TUBB2A: variants seen among roughly 807,000 people sequenced by gnomAD.
TUBB2A encodes tubulin beta 2A class IIa, also known as tubulin beta-2A chain.
A neutral mutation model predicts 33.9 loss-of-function variants in TUBB2A; 7 were observed. That is an observed-to-expected ratio of 0.21 (90% confidence interval 0.12 to 0.39). The LOEUF (loss-of-function observed/expected upper bound fraction) is 0.39, where lower values mean the gene tolerates loss of function less well. TUBB2A is among the 10% of genes least tolerant of loss of function. TUBB2A has a pLI of 1.00. For synonymous variants in TUBB2A, 187 were observed against 247.6 expected (o/e 0.76, Z 2.30); for missense variants, 80 against 593.4 (o/e 0.13, Z 8.99).
In TUBB2A at chr6:3,154,871, G is replaced by C; in HGVS notation, c.330C>G (p.Ala110=). 6.2e-7 allele frequency: 1 copy of C among 1,613,612 alleles called. No individual in the cohort carries two copies. The change falls in exon 4 of 4, where the codon GCC becomes GCG. Residue 110 remains alanine, a synonymous_variant. Coordinates refer to ENST00000333628, the MANE Select transcript of TUBB2A (RefSeq NM_001069.3). ...NWAKGHYTEG[A]ELVDSVLDVV... is the part of the protein sequence containing the mutation. Reference sequence around the variant, plus strand: ...CATCCAGGACCGAGTCGACCAGCTCGGCTCCCTCTGTGTAGTGGCCCTTGG... The same window carrying C: ...CATCCAGGACCGAGTCGACCAGCTCCGCTCCCTCTGTGTAGTGGCCCTTGG...
At position 3,155,072 on chromosome 6, in the gene TUBB2A, CTA is replaced by C. The variant is rs1305580672; in HGVS notation, c.278-151_278-150del. 11 of 1,495,522 alleles carry C rather than the reference CTA, an allele frequency of 7.4e-6. No individual in the cohort carries two copies. The highest frequency in any genetic ancestry group is 2.2e-5 in the Admixed American group (1 of 44,956). 92.6% of individuals were successfully genotyped at this position (1,495,522 alleles called of 1,614,324 possible). A position where few individuals can be genotyped will look rare whatever the true frequency, so the allele number is the denominator to read the frequency against. On this transcript the variant is annotated intron_variant, in intron 3 of 3. Transcript: ENST00000333628. This position sits in a 1 kb window ranked among gnomAD's most constrained non-coding sequence, Gnocchi z 4.2. The stretch of plus-strand genomic sequence containing the variant: ...TTCTTTTACCTGAAGAAATATTTTT[CTA>C]TGTCAGTGACCTCAAAAACACTGGG...
At chr6:3,157,377 C>T (rs936633214) in intron 1 of TUBB2A, 30 bp downstream of exon 1, 1 of 1,495,432 alleles carries the variant, frequency 6.7e-7, no homozygotes, top group Non-Finnish European at 8.9e-7. Flanking sequence ...TCGGTCCCAA[C>T]CCCGGGCCCC....
rs1160815100 is a variant in TUBB2A, at chr6:3,156,031, T to C, written c.166+13A>G. ...AAGCAAGGATTCCTGGGCACACACA[T>C]CCCGCTACTCACCAGCAGCCTCATT... is the stretch of plus-strand genomic sequence containing the variant. On this transcript the variant is annotated intron_variant, in intron 2 of 3. Coordinates refer to ENST00000333628, the MANE Select transcript of TUBB2A (RefSeq NM_001069.3). The C allele has an allele frequency of 1.6e-5, 25 of 1,570,220 alleles. No individual in the cohort carries two copies. Among genetic ancestry groups the C allele is most frequent in the Non-Finnish European group, 2.1e-5 (24 of 1,154,010 alleles).
rs759940017 is a variant in TUBB2A, at chr6:3,157,389, C to T, written c.57+18G>A. The T allele has an allele frequency of 8.6e-6, 13 of 1,517,376 alleles. No homozygotes were observed. The East Asian group carries it at 3.7e-4, about 43-fold the overall frequency. 94.0% of individuals were successfully genotyped at this position (1,517,376 alleles called of 1,614,324 possible). On this transcript the variant is annotated intron_variant, in intron 1 of 3. Coordinates refer to ENST00000333628, the MANE Select transcript of TUBB2A (RefSeq NM_001069.3). Reference sequence around the variant, plus strand: ...CCCTCGGTCCCAACCCCGGGCCCCTCCGTGGCGGTGAGCCCACCTTGGCGC... The same window carrying T: ...CCCTCGGTCCCAACCCCGGGCCCCTTCGTGGCGGTGAGCCCACCTTGGCGC...
In TUBB2A at chr6:3,153,802, A is replaced by G. The variant is rs969477381; in HGVS notation, c.*61T>C. On this transcript the variant is annotated 3_prime_UTR_variant, in exon 4 of 4. Coordinates refer to ENST00000333628, the MANE Select transcript of TUBB2A (RefSeq NM_001069.3). ...ACTGAGCACCATAGTTTACAAGTAG[A>G]AAGACCATGCTTGAGGACAACAGAA... 63 of 1,603,382 alleles carry G rather than the reference A, an allele frequency of 3.9e-5. 1 individual carries two copies. The Middle Eastern group carries it at 2.7e-3, about 68-fold the overall frequency.
rs199723665 is a variant in TUBB2A at position 3,154,847 on chromosome 6, A to G, written c.354T>C (p.Asp118=). Residue 118 remains aspartate (D), a synonymous_variant, in exon 4 of 4, where the codon GAT becomes GAC. Coordinates refer to ENST00000333628, the MANE Select transcript of TUBB2A (RefSeq NM_001069.3). The part of the protein sequence containing the change: ...EGAELVDSVL[D]VVRKESESCD... ...AGCTCTCTGACTCCTTCCTCACCAC[A>G]TCCAGGACCGAGTCGACCAGCTCGG... 3.6e-4 allele frequency: 573 copies of G among 1,613,146 alleles called. 1 individual carries two copies. The African/African-American group carries it at 6.9e-3, about 19-fold the overall frequency.
chr6:3,157,330 C>G, intron 1 of TUBB2A, 77 bp downstream of exon 1: 1 of 1,289,942 alleles, frequency 7.8e-7, no homozygotes, highest in Non-Finnish European at 9.8e-7. Context: ...GGGGCCGCCG[C>G]GGCCTCCAGC....
At position 3,153,680 on chromosome 6, in the gene TUBB2A, T is replaced by G; in HGVS notation, c.*183A>C. The G allele has an allele frequency of 1.0e-6, 1 of 981,144 alleles. No individual in the cohort carries two copies. Among genetic ancestry groups the G allele is most frequent in the Non-Finnish European group, 1.5e-6 (1 of 678,056 alleles). 60.8% of individuals were successfully genotyped at this position (981,144 alleles called of 1,614,324 possible). A position where few individuals can be genotyped will look rare whatever the true frequency, so the allele number is the denominator to read the frequency against. On this transcript the variant is annotated 3_prime_UTR_variant, in exon 4 of 4. Transcript: ENST00000333628. ...AGACCACAAGGTTTTCTACACATGC[T>G]TTTTTATTAGTATAGATACCTTCAC...
At position 3,154,001 on chromosome 6, in the gene TUBB2A, G is replaced by A. The variant is rs1762591336; in HGVS notation, c.1200C>T (p.Gly400=). ...TGAACTCCATCTCGTCCATGCCCTC[G>A]CCCGTGTACCAGTGCAGGAAGGCCT... ...RRKAFLHWYT[G]EGMDEMEFTE... The change falls in exon 4 of 4, where the codon GGC becomes GGT. Residue 400 remains glycine, a synonymous_variant. Transcript: ENST00000333628. 5 of 1,602,070 alleles carry A rather than the reference G, an allele frequency of 3.1e-6. No homozygotes were observed. Among genetic ancestry groups the A allele is most frequent in the African/African-American group, 2.8e-5 (2 of 71,302 alleles).
At chr6:3,157,283 G>T (rs1305952936) in intron 1 of TUBB2A, 124 bp downstream of exon 1, 1 of 1,132,208 alleles carries the variant, frequency 8.8e-7, no homozygotes, top group African/African-American at 1.6e-5. Context: ...GACCCCGCCC[G>T]GCGGCCTCGC....
chr6:3,155,707 C>T lies in TUBB2A; in HGVS notation c.195G>A (p.Leu65=), dbSNP rs1133245. The T allele has an allele frequency of 1.9e-6, 3 of 1,614,064 alleles. No individual in the cohort carries two copies. Among genetic ancestry groups the T allele is most frequent in the Admixed American group, 1.7e-5 (1 of 60,020 alleles). The change falls in exon 3 of 4, where the codon CTG becomes CTA. Residue 65 remains leucine (L), a synonymous_variant. Coordinates refer to ENST00000333628, the MANE Select transcript of TUBB2A (RefSeq NM_001069.3). The surrounding 1 kb of genome is among the most constrained non-coding windows in gnomAD (Gnocchi z 4.2). The part of the protein sequence containing the change: ...AGNKYVPRAI[L]VDLEPGTMDS... The stretch of plus-strand genomic sequence containing the variant: ...CCATGGTGCCAGGCTCCAGATCCAC[C>T]AGGATGGCCCGAGGTACATATTTGT...
Position 3,155,522 on chromosome 6 carries a change from A to G in TUBB2A, c.277+103T>C. The stretch of plus-strand genomic sequence containing the variant: ...AGGCCAGGACTCAGGGCTGCCGTGG[A>G]CACAGTGTCACCTTGGCACTGAACA... On this transcript the variant is annotated intron_variant, in intron 3 of 3. Transcript: ENST00000333628. This position sits in a 1 kb window ranked among gnomAD's most constrained non-coding sequence, Gnocchi z 4.2. 1 of 860,152 alleles carries G rather than the reference A, an allele frequency of 1.2e-6. No homozygotes were observed. The highest frequency in any genetic ancestry group is 1.8e-6 in the Non-Finnish European group (1 of 556,650). The allele number at this position is 860,152 out of a possible 1,614,324, so 53.3% of individuals were successfully genotyped here.
chr6:3,155,024 A>T lies in TUBB2A; in HGVS notation c.278-101T>A, dbSNP rs1342506244. On this transcript the variant is annotated intron_variant, in intron 3 of 3. Transcript: ENST00000333628. This position sits in a 1 kb window ranked among gnomAD's most constrained non-coding sequence, Gnocchi z 4.2. Reference sequence around the variant, plus strand: ...AAGGTAGGACTGGTCTTAGACTGGCAGATTCTTCTCTTTTGAATACTCTTC... The same window carrying T: ...AAGGTAGGACTGGTCTTAGACTGGCTGATTCTTCTCTTTTGAATACTCTTC... 1.7e-5 allele frequency: 26 copies of T among 1,556,924 alleles called. No individual in the cohort carries two copies. Among genetic ancestry groups the T allele is most frequent in the Non-Finnish European group, 2.0e-5 (23 of 1,148,502 alleles).
In TUBB2A at chr6:3,157,525, G is replaced by T. The variant is rs1762658509; in HGVS notation, c.-62C>A. 7.1e-7 allele frequency: 1 copy of T among 1,416,452 alleles called. No homozygotes were observed. The highest frequency in any genetic ancestry group is 9.2e-7 in the Non-Finnish European group (1 of 1,089,080). 87.7% of individuals were successfully genotyped at this position (1,416,452 alleles called of 1,614,324 possible). ...AGCGGTGCGCGGCGTGGACCGGCGG[G>T]CTGGGCTGCGCAGAGACCTGCCGCC... On this transcript the variant is annotated 5_prime_UTR_variant, in exon 1 of 4. Transcript: ENST00000333628.
intron 1 of TUBB2A, among the ~76,000 whole-genome samples, 187 bp from the exon 2 acceptor site, chr6:3,156,339 G>T (rs533107518): frequency 6.6e-6 from 1 of 152,310 alleles, no homozygotes; most frequent in Non-Finnish European, 1.5e-5. Context: ...TTGAAAATCC[G>T]CAGAGCATCG....
chr6:3,155,619 A>G lies in TUBB2A; in HGVS notation c.277+6T>C. ...TGGCCAGTTCCCAGTGATCATGACTACATACCGAACACGAAGTTGTCTGGT... is the reference window on the plus strand; with the variant it reads ...TGGCCAGTTCCCAGTGATCATGACTGCATACCGAACACGAAGTTGTCTGGT... On this transcript the variant is annotated splice_donor_region_variant and intron_variant, in intron 3 of 3. Transcript: ENST00000333628. The surrounding 1 kb of genome is among the most constrained non-coding windows in gnomAD (Gnocchi z 4.2). The G allele has an allele frequency of 1.2e-6, 2 of 1,608,412 alleles. No homozygotes were observed. The highest frequency in any genetic ancestry group is 1.7e-6 in the Non-Finnish European group (2 of 1,176,022).
At position 3,154,823 on chromosome 6, in the gene TUBB2A, G is replaced by A. The variant is rs765128083; in HGVS notation, c.378C>T (p.Ser126=). 101 of 1,611,854 alleles carry A rather than the reference G, an allele frequency of 6.3e-5. No homozygotes were observed. The highest frequency in any genetic ancestry group is 8.6e-5 in the Non-Finnish European group (101 of 1,179,000). ...GCTGGAAGCCCTGGAGACAGTCACA[G>A]CTCTCTGACTCCTTCCTCACCACAT... ...VLDVVRKESE[S]CDCLQGFQLT... Residue 126 remains serine, a synonymous_variant, in exon 4 of 4, where the codon AGC becomes AGT. Transcript: ENST00000333628.
In TUBB2A at chr6:3,153,753, G is replaced by A. The variant is rs1162928094; in HGVS notation, c.*110C>T. 2 of 1,500,944 alleles carry A rather than the reference G, an allele frequency of 1.3e-6. No individual in the cohort carries two copies. Among genetic ancestry groups the A allele is most frequent in the Non-Finnish European group, 9.1e-7 (1 of 1,102,142 alleles). The allele number at this position is 1,500,944 out of a possible 1,614,324, so 93.0% of individuals were successfully genotyped here. On this transcript the variant is annotated 3_prime_UTR_variant, in exon 4 of 4. Transcript: ENST00000333628. ...GGAGTTCCACATCATTACATCAACAGTGTGAATTTCTAACAGAGGCAAAAC... is the reference window on the plus strand; with the variant it reads ...GGAGTTCCACATCATTACATCAACAATGTGAATTTCTAACAGAGGCAAAAC...
At position 3,155,713 on chromosome 6, in the gene TUBB2A, G is replaced by C. The variant is rs41300839; in HGVS notation, c.189C>G (p.Ala63=). ...EAAGNKYVPR[A]ILVDLEPGTM... ...TGCCAGGCTCCAGATCCACCAGGAT[G>C]GCCCGAGGTACATATTTGTTACCTG... The change falls in exon 3 of 4, where the codon GCC becomes GCG. Residue 63 remains alanine (A), a synonymous_variant. Coordinates refer to ENST00000333628, the MANE Select transcript of TUBB2A (RefSeq NM_001069.3). This position sits in a 1 kb window ranked among gnomAD's most constrained non-coding sequence, Gnocchi z 4.2. The C allele has an allele frequency of 0.011, 18,023 of 1,613,872 alleles. 140 individuals are homozygous for C. The highest frequency in any genetic ancestry group is 0.014 in the Non-Finnish European group (15,972 of 1,179,836).
Sources: gnomAD v4.1 joint callset for allele counts (sites outside exome capture counted in the v4.1 genomes callset) on GRCh38, gnomAD v4.1.1 for gene constraint, Gnocchi (gnomAD v3.1) non-coding constraint, MANE v1.5 for transcripts, NCBI Gene and HGNC (gene_info 2026-07-23, HGNC 2026-07-21) for gene names.